LRP1B: variants seen among roughly 807,000 people sequenced by gnomAD.
LRP1B encodes the protein low-density lipoprotein receptor-related protein 1B.
LRP1B carries 217 observed loss-of-function variants against 556.6 expected under a neutral mutation model. The observed-to-expected ratio is 0.39, with a 90% confidence interval of 0.35 to 0.44. The LOEUF (loss-of-function observed/expected upper bound fraction) is 0.44. Among genes scored for constraint, LRP1B ranks in the 20% least tolerant of loss-of-function variants. The pLI is 1.00. For synonymous variants in LRP1B, 2,047 were observed against 1,865.8 expected (o/e 1.10, Z -2.50); for missense variants, 5,053 against 5,620.8 (o/e 0.90, Z 3.23).
rs945187618 is a variant in LRP1B at position 140,370,968 on chromosome 2, A to G, written c.10876-126T>C. 13 of 1,071,574 alleles carry G rather than the reference A, an allele frequency of 1.2e-5. No homozygotes were observed. The African/African-American group carries it at 1.8e-4, about 15-fold the overall frequency. The allele number at this position is 1,071,574 out of a possible 1,614,324, so 66.4% of individuals were successfully genotyped here. Reference sequence around the variant, plus strand: ...CATGGGCTTTCTTTCATTTTGTCTTAATGAATATAACTTCTACAAATGAGA... The same window carrying G: ...CATGGGCTTTCTTTCATTTTGTCTTGATGAATATAACTTCTACAAATGAGA... On this transcript the variant is annotated intron_variant, in intron 70 of 90. Transcript: ENST00000389484.
chr2:140,444,299 A>G (rs2105303753), intron 65 of LRP1B, 31 bp downstream of exon 65: 1 of 1,612,856 alleles, frequency 6.2e-7, no homozygotes, highest in Non-Finnish European at 8.5e-7. Flanking sequence ...GTCAAAGTTA[A>G]GACAAGACAG....
intron 7 of LRP1B, among the ~76,000 whole-genome samples, chr2:141,112,071 T>TATATAATA (rs111423253): frequency 6.9e-6 from 1 of 145,754 alleles, no homozygotes; most frequent in South Asian, 2.1e-4. Context: ...AATAAATAAA[T>TATATAATA]AATAAATAAA....
intron 7 of LRP1B, among the ~76,000 whole-genome samples, chr2:141,169,588 C>T (rs1308165679): frequency 6.6e-6 from 1 of 151,470 alleles, no homozygotes; most frequent in African/African-American, 2.4e-5. Context: ...GCAATAGCGA[C>T]AGAATTAAAG....
chr2:141,773,147 T>C (rs745777771), intron 2 of LRP1B, among the ~76,000 whole-genome samples: 4 of 152,184 alleles, frequency 2.6e-5, no homozygotes, highest in Non-Finnish European at 5.9e-5. Flanking sequence ...TTAGATGACT[T>C]CTTCTTCTAT....
At position 142,026,327 on chromosome 2, in the gene LRP1B, C is replaced by T. The variant is rs930576270; in HGVS notation, c.82+104321G>A. On this transcript the variant is annotated intron_variant, in intron 1 of 90. Coordinates refer to ENST00000389484, the MANE Select transcript of LRP1B (RefSeq NM_018557.3). ...TTTCTCTCTCAGCTTATATGCATAA[C>T]GATATGGAGACAGCTGAAAAGACAC... Among the ~76,000 whole-genome samples, 6 of 151,930 alleles carry T rather than the reference C, an allele frequency of 3.9e-5. No individual in the cohort carries two copies. In the East Asian group the frequency reaches 9.7e-4, roughly 25 times the overall value.
intron 35 of LRP1B, among the ~76,000 whole-genome samples, chr2:140,742,746 G>A (rs1028460614): frequency 1.3e-5 from 2 of 151,796 alleles, no homozygotes; most frequent in Non-Finnish European, 2.9e-5. Flanking sequence ...TTTTGCCACT[G>A]GCAGTATTAG....
intron 28 of LRP1B, among the ~76,000 whole-genome samples, chr2:140,850,825 A>G (rs879752836): frequency 6.6e-6 from 1 of 151,828 alleles, no homozygotes; most frequent in Non-Finnish European, 1.5e-5. Context: ...CTTTTAGTGT[A>G]TTTTTTTTGT....
intron 2 of LRP1B, among the ~76,000 whole-genome samples, chr2:141,587,727 A>C (rs977374033): frequency 2.0e-5 from 3 of 152,222 alleles, no homozygotes; most frequent in African/African-American, 7.2e-5. Context: ...TTAATGGTAC[A>C]TAATTACTTC....
At chr2:141,980,082 A>G (rs1310868918) in intron 1 of LRP1B, among the ~76,000 whole-genome samples, 2 of 152,264 alleles carry the variant, frequency 1.3e-5, no homozygotes, top group African/African-American at 4.8e-5. Flanking sequence ...TTTCTCTAGT[A>G]TGAGTGAGAG....
chr2:141,864,601 G>A (rs901509110), intron 1 of LRP1B, among the ~76,000 whole-genome samples: 12 of 151,338 alleles, frequency 7.9e-5, no homozygotes, highest in African/African-American at 1.9e-4. Context: ...GGAGGAATGC[G>A]CCAGGCGCAG....
intron 1 of LRP1B, among the ~76,000 whole-genome samples, chr2:141,899,768 A>G (rs1033061958): frequency 2.0e-5 from 3 of 152,146 alleles, no homozygotes; most frequent in African/African-American, 7.2e-5. Context: ...GAAAAATAAT[A>G]TCAAAATGTG....
intron 7 of LRP1B, among the ~76,000 whole-genome samples, chr2:141,112,474 G>A (rs923572675): frequency 1.3e-5 from 2 of 152,138 alleles, no homozygotes; most frequent in African/African-American, 4.8e-5. Flanking sequence ...AGACCAGTGT[G>A]ATGTGCCTTA....
At chr2:140,378,069 G>A (rs1028673256) in intron 68 of LRP1B, 111 bp downstream of exon 68, 15 of 684,164 alleles carry the variant, frequency 2.2e-5, no homozygotes, top group Middle Eastern at 4.9e-4. Context: ...CAATGTGTCA[G>A]GAGCAAAGTA....
intron 3 of LRP1B, among the ~76,000 whole-genome samples, chr2:141,312,468 CAAT>C (rs1469394028): frequency 6.6e-6 from 1 of 152,012 alleles, no homozygotes; most frequent in East Asian, 1.9e-4. Context: ...TTCTGGGCAA[CAAT>C]AGGCTGTTAA....
chr2:141,651,875 C>G (rs908016154), intron 2 of LRP1B, among the ~76,000 whole-genome samples: 1 of 152,168 alleles, frequency 6.6e-6, no homozygotes, highest in East Asian at 1.9e-4. Context: ...GTTAATTAAA[C>G]ATTTTAAATA....
At chr2:141,555,580 A>T (rs1328007351) in intron 2 of LRP1B, among the ~76,000 whole-genome samples, 1 of 151,964 alleles carries the variant, frequency 6.6e-6, no homozygotes, top group Admixed American at 6.6e-5. Flanking sequence ...GAAGATTTTT[A>T]AAATGTCATC....
intron 3 of LRP1B, among the ~76,000 whole-genome samples, chr2:141,414,256 A>AAAG (rs1480046984): frequency 3.4e-5 from 5 of 148,668 alleles, no homozygotes; most frequent in African/African-American, 1.3e-4. Flanking sequence ...AAAAAAAAGA[A>AAAG]AAAGGAAGGA....
chr2:140,274,540 A>G lies in LRP1B; in HGVS notation c.13026T>C (p.Ser4342=), dbSNP rs1682590915. ...AGCGCGTTGGACAGACACATTCAAC[A>G]CTTCCATCATCCCCAATGGTACATG... is the stretch of plus-strand genomic sequence containing the variant. The part of the protein sequence containing the change: ...SESCTIGDDG[S]VECVCPTRYE... Residue 4342 remains serine (S), a synonymous_variant, in exon 85 of 91, where the codon AGT becomes AGC. Transcript: ENST00000389484. The G allele has an allele frequency of 1.2e-6, 2 of 1,612,516 alleles. No individual in the cohort carries two copies. The highest frequency in any genetic ancestry group is 1.7e-6 in the Non-Finnish European group (2 of 1,179,118).
intron 1 of LRP1B, among the ~76,000 whole-genome samples, chr2:141,829,474 C>A (rs1455758052): frequency 6.6e-6 from 1 of 152,024 alleles, no homozygotes; most frequent in Non-Finnish European, 1.5e-5. Context: ...ATATTTTGTT[C>A]CTTTGCTTCT....
Sources: gnomAD v4.1 joint callset for allele counts (sites outside exome capture counted in the v4.1 genomes callset) on GRCh38, gnomAD v4.1.1 for gene constraint, MANE v1.5 for transcripts, NCBI Gene and HGNC (gene_info 2026-07-23, HGNC 2026-07-21) for gene names.